The following ACMSD variants were observed in gnomAD, a reference collection of about 807,000 sequenced individuals.
ACMSD encodes 2-amino-3-carboxymuconate-6-semialdehyde decarboxylase.
In ACMSD, 37 loss-of-function variants were observed where a neutral mutation model predicts 45.9. The observed-to-expected ratio is 0.81, with a 90% CI of 0.62 to 1.06. ACMSD has a LOEUF of 1.06. Among genes scored for constraint, ACMSD ranks in the 50% least tolerant of loss-of-function variants. ACMSD has a pLI of 0.00. For missense variants in ACMSD, 434 were observed against 420.9 expected (o/e 1.03, Z -0.27); for synonymous variants, 138 against 148.8 (o/e 0.93, Z 0.53).
chr2:134,849,290 T>A (rs757884934), intron 2 of ACMSD, among the ~76,000 whole-genome samples: 6 of 151,940 alleles, frequency 3.9e-5, no homozygotes, highest in Non-Finnish European at 7.4e-5. Flanking sequence ...CAGCAAAATC[T>A]GATACAATGG....
At chr2:134,882,133 A>T (rs115977771) in intron 8 of ACMSD, among the ~76,000 whole-genome samples, 28 of 152,312 alleles carry the variant, frequency 1.8e-4, no homozygotes, top group South Asian at 2.1e-4. Flanking sequence ...AAACAAAAAA[A>T]GGTGGGGGAG....
intron 3 of ACMSD, among the ~76,000 whole-genome samples, chr2:134,860,172 A>G (rs1256158632): frequency 6.6e-6 from 1 of 152,244 alleles, no homozygotes; most frequent in Non-Finnish European, 1.5e-5. Context: ...CAAAGGCACA[A>G]GAATCGCTTG....
At chr2:134,848,183 T>C (rs577109383) in intron 2 of ACMSD, among the ~76,000 whole-genome samples, 5 of 152,360 alleles carry the variant, frequency 3.3e-5, no homozygotes, top group African/African-American at 1.2e-4. Context: ...CTATCATCGA[T>C]GGGCATTTGG....
intron 5 of ACMSD, among the ~76,000 whole-genome samples, chr2:134,866,508 A>T (rs575393359): frequency 1.3e-5 from 2 of 152,124 alleles, no homozygotes; most frequent in Non-Finnish European, 2.9e-5. Context: ...GCTACCCAAG[A>T]CCTGTTGAAT....
At chr2:134,883,133 G>A (rs571437099) in intron 8 of ACMSD, among the ~76,000 whole-genome samples, 1 of 152,098 alleles carries the variant, frequency 6.6e-6, no homozygotes, top group Non-Finnish European at 1.5e-5. Context: ...TTATTCCTTG[G>A]GGTTTAATAC....
At chr2:134,857,019 C>T (rs1014850666) in intron 2 of ACMSD, among the ~76,000 whole-genome samples, 8 of 152,052 alleles carry the variant, frequency 5.3e-5, no homozygotes, top group East Asian at 1.9e-4. Flanking sequence ...TTTCAATCCA[C>T]GAACATGGGA....
chr2:134,893,620 G>A (rs951609651), intron 8 of ACMSD, among the ~76,000 whole-genome samples: 1 of 152,102 alleles, frequency 6.6e-6, no homozygotes, highest in Non-Finnish European at 1.5e-5. Flanking sequence ...TGATTCCTAT[G>A]ATTCTATCCT....
chr2:134,842,615 T>C (rs1367412013), intron 1 of ACMSD, among the ~76,000 whole-genome samples: 2 of 152,056 alleles, frequency 1.3e-5, no homozygotes. Context: ...CCATGGCAAT[T>C]AGTGCCCCCA....
chr2:134,868,097 T>G (rs764868806), intron 6 of ACMSD, among the ~76,000 whole-genome samples: 7 of 152,144 alleles, frequency 4.6e-5, no homozygotes, highest in Non-Finnish European at 1.0e-4. Flanking sequence ...TCTAGTAAAT[T>G]TTTTAGACGA....
intron 4 of ACMSD, 145 bp downstream of exon 4, chr2:134,862,163 CCT>C: frequency 1.2e-6 from 1 of 852,584 alleles, no homozygotes; most frequent in Non-Finnish European, 2.0e-6. Context: ...AGCAGGGTCC[CCT>C]CTCAGGCCTG....
intron 1 of ACMSD, among the ~76,000 whole-genome samples, chr2:134,841,517 A>G (rs970010298): frequency 1.3e-5 from 2 of 152,220 alleles, no homozygotes; most frequent in Admixed American, 6.5e-5. Flanking sequence ...CTTGAAAAAA[A>G]AACATATCTG....
At chr2:134,838,999 C>A (rs1460861873) in intron 1 of ACMSD, among the ~76,000 whole-genome samples, 1 of 152,040 alleles carries the variant, frequency 6.6e-6, no homozygotes, top group Non-Finnish European at 1.5e-5. Flanking sequence ...AATATCTGGA[C>A]AATTTAAATA....
intron 6 of ACMSD, among the ~76,000 whole-genome samples, chr2:134,870,046 G>T (rs1231763387): frequency 6.6e-6 from 1 of 152,220 alleles, no homozygotes; most frequent in African/African-American, 2.4e-5. Flanking sequence ...CTCTGCCTGT[G>T]AAGCAGTGAC....
chr2:134,896,306 A>T (rs932704559), intron 8 of ACMSD, among the ~76,000 whole-genome samples: 1 of 152,202 alleles, frequency 6.6e-6, no homozygotes, highest in Non-Finnish European at 1.5e-5. Context: ...GATGAAGAAG[A>T]CTTCATCAAA....
intron 2 of ACMSD, among the ~76,000 whole-genome samples, chr2:134,847,433 TAG>T (rs1257481808): frequency 6.7e-6 from 1 of 149,906 alleles, no homozygotes; most frequent in African/African-American, 2.5e-5. Flanking sequence ...GATAGATAGA[TAG>T]ATAGATAGAT....
chr2:134,840,185 A>AAAAAAAAAAAG (rs1686730587), intron 1 of ACMSD, among the ~76,000 whole-genome samples: 1 of 141,546 alleles, frequency 7.1e-6, no homozygotes, highest in South Asian at 2.4e-4. Flanking sequence ...AAAAAAAAAA[A>AAAAAAAAAAAG]AAAAAAAACC....
At chr2:134,853,110 C>A (rs951425678) in intron 2 of ACMSD, among the ~76,000 whole-genome samples, 2 of 149,802 alleles carry the variant, frequency 1.3e-5, no homozygotes, top group Admixed American at 1.3e-4. Context: ...TTGCAGTGAG[C>A]CGAGATCGCA....
chr2:134,854,907 A>C (rs547975852), intron 2 of ACMSD, among the ~76,000 whole-genome samples: 11 of 152,322 alleles, frequency 7.2e-5, no homozygotes, highest in African/African-American at 2.6e-4. Flanking sequence ...TTAAACCCAG[A>C]GCTGTCTGAA....
At chr2:134,861,114 C>T (rs963631848) in intron 3 of ACMSD, among the ~76,000 whole-genome samples, 18 of 152,064 alleles carry the variant, frequency 1.2e-4, no homozygotes, top group African/African-American at 4.3e-4. Context: ...GTAGAGTACT[C>T]CACAGAATAT....
Sources: allele counts gnomAD v4.1 joint callset (sites outside exome capture counted in the v4.1 genomes callset), GRCh38; gene constraint gnomAD v4.1.1; transcripts MANE v1.5; gene names NCBI Gene and HGNC (gene_info 2026-07-23, HGNC 2026-07-21).